Variants in PRPF40B observed in about 807,000 individuals in gnomAD.
The protein encoded by PRPF40B is pre-mRNA processing factor 40B.
PRPF40B carries 56 observed loss-of-function variants against 124.5 expected under a neutral mutation model. The ratio of observed to expected loss-of-function variants is 0.45; its 90% CI spans 0.36 to 0.56. The LOEUF (loss-of-function observed/expected upper bound fraction) is 0.56. Ranked by LOEUF, PRPF40B falls within the 20% of genes least tolerant of loss-of-function variation. The pLI, the probability that PRPF40B is intolerant of heterozygous loss-of-function variation, is 0.00. For missense variants in PRPF40B, 1,053 were observed against 1,169.5 expected, an observed-to-expected ratio of 0.90 and a Z score of 1.45; for synonymous variants, 443 against 426.4, an observed-to-expected ratio of 1.04 and a Z score of -0.48.
intron 1 of PRPF40B, among the ~76,000 whole-genome samples, chr12:49,628,714 C>T (rs942177874): frequency 4.0e-4 from 61 of 152,048 alleles, no homozygotes; most frequent in African/African-American, 1.4e-3. Flanking sequence ...AGGTGCCTGC[C>T]ACCACGCCTG....
chr12:49,631,451 C>G lies in PRPF40B; in HGVS notation c.135C>G (p.Pro45=). ...CCTTTCCTCCGATGGGGCTACCCCC[C>G]ATGAGTCAGAGACCACCAGCTATCC... ...PPPFPPMGLP[P]MSQRPPAIPP... is the part of the protein sequence containing the mutation. The change falls in exon 3 of 26, where the codon CCC becomes CCG. Residue 45 remains proline, a synonymous_variant. Coordinates refer to ENST00000548825, the MANE Select transcript of PRPF40B (RefSeq NM_001031698.3). This position sits in a 1 kb window ranked among gnomAD's most constrained non-coding sequence, Gnocchi z 4.3. The G allele has an allele frequency of 6.8e-7, 1 of 1,465,784 alleles. No individual in the cohort carries two copies. The highest frequency in any genetic ancestry group is 9.1e-7 in the Non-Finnish European group (1 of 1,097,594). The allele number at this position is 1,465,784 out of a possible 1,614,324, so 90.8% of individuals were successfully genotyped here. A position where few individuals can be genotyped will look rare whatever the true frequency, so the allele number is the denominator to read the frequency against.
chr12:49,638,969 A>G (rs1942231480), intron 18 of PRPF40B: 1 of 152,208 alleles, frequency 6.6e-6, no homozygotes, highest in Admixed American at 6.5e-5. Context: ...CATATTACCT[A>G]TTTAATATAA....
chr12:49,633,169 C>T, intron 7 of PRPF40B, 45 bp downstream of exon 7: 3 of 1,486,322 alleles, frequency 2.0e-6, no homozygotes, highest in Non-Finnish European at 1.8e-6. Flanking sequence ...CTGCCCTGAC[C>T]CTTCCAAGTC....
In PRPF40B at chr12:49,642,281, A is replaced by G. The variant is rs144093609; in HGVS notation, c.1931A>G (p.Glu644Gly). 1 of 1,614,044 alleles carries G rather than the reference A, an allele frequency of 6.2e-7. No individual in the cohort carries two copies. The highest frequency in any genetic ancestry group is 8.5e-7 in the Non-Finnish European group (1 of 1,180,042). ...EAREREREKE[E>G]ARRMRRREAA... ...CGGGAGAGGGAGCGGGAGAAGGAGG[A>G]GGCACGCAGGATGCGGCGCAGGGAA... Residue 644 changes from glutamate (E) to glycine (G), a missense_variant, in exon 20 of 26, where the codon GAG (glutamate) becomes GGG (glycine). Glu to Gly is a moderately conservative substitution (Grantham distance 98). This residue lies in a region of PRPF40B where 895 missense variants were observed against 1,052.2 expected (regional missense o/e 0.85). Transcript: ENST00000548825. This position sits in a 1 kb window ranked among gnomAD's most constrained non-coding sequence, Gnocchi z 5.8.
Position 49,635,971 on chromosome 12 carries a change from T to C in PRPF40B, c.1404T>C (p.Phe468=). 1 of 1,614,110 alleles carries C rather than the reference T, an allele frequency of 6.2e-7. No individual in the cohort carries two copies. Among genetic ancestry groups the C allele is most frequent in the Non-Finnish European group, 8.5e-7 (1 of 1,179,988 alleles). ...AQQYLMDNPS[F]AQDHQLQNMD... Reference sequence around the variant, plus strand: ...AGTACCTCATGGATAACCCCAGCTTTGCTCAGGACCATCAGCTGCAGAGTA... The same window carrying C: ...AGTACCTCATGGATAACCCCAGCTTCGCTCAGGACCATCAGCTGCAGAGTA... Residue 468 remains phenylalanine (F), a synonymous_variant, in exon 15 of 26, where the codon TTT becomes TTC. Coordinates refer to ENST00000548825, the MANE Select transcript of PRPF40B (RefSeq NM_001031698.3). The surrounding 1 kb of genome is among the most constrained non-coding windows in gnomAD (Gnocchi z 4.1).
Position 49,631,753 on chromosome 12 carries a change from G to A in PRPF40B, c.229-107G>A. The A allele has an allele frequency of 7.7e-7, 1 of 1,296,576 alleles. No individual in the cohort carries two copies. The highest frequency in any genetic ancestry group is 1.1e-6 in the Non-Finnish European group (1 of 893,230). 80.3% of individuals were successfully genotyped at this position (1,296,576 alleles called of 1,614,324 possible). A position where few individuals can be genotyped will look rare whatever the true frequency, so the allele number is the denominator to read the frequency against. ...GGATTGCCTGAGGAAGTGCCCAAGT[G>A]AGGGTCATGGCTCCAGTGAGATGTC... On this transcript the variant is annotated intron_variant, in intron 3 of 25. Transcript: ENST00000548825. The surrounding 1 kb of genome is among the most constrained non-coding windows in gnomAD (Gnocchi z 4.3).
intron 18 of PRPF40B, chr12:49,639,415 GAA>G (rs1490583388): frequency 1.3e-5 from 2 of 152,334 alleles, no homozygotes; most frequent in Non-Finnish European, 2.9e-5. Context: ...TGAGCAGGGA[GAA>G]AAGTCAGTAG....
Position 49,631,561 on chromosome 12 carries a change from C to A in PRPF40B, c.228+17C>A, listed in dbSNP as rs1209644967. The A allele has an allele frequency of 1.9e-6, 3 of 1,544,642 alleles. No individual in the cohort carries two copies. Among genetic ancestry groups the A allele is most frequent in the Non-Finnish European group, 2.6e-6 (3 of 1,150,148 alleles). Reference sequence around the variant, plus strand: ...CTCACACAGGTAATTGTCTCTCCTCCCCTGGGGCCTCAGAAAACCCTGTCA... The same window carrying A: ...CTCACACAGGTAATTGTCTCTCCTCACCTGGGGCCTCAGAAAACCCTGTCA... On this transcript the variant is annotated intron_variant, in intron 3 of 25. Transcript: ENST00000548825. This position sits in a 1 kb window ranked among gnomAD's most constrained non-coding sequence, Gnocchi z 4.3.
intron 11 of PRPF40B, 32 bp downstream of exon 11, chr12:49,634,487 G>A (rs1565832934): frequency 1.9e-6 from 3 of 1,614,172 alleles, no homozygotes; most frequent in Non-Finnish European, 2.5e-6. Context: ...GGAAGGTTTG[G>A]AGGGGGCTGG....
At chr12:49,624,149 T>C (rs574982759) in intron 1 of PRPF40B, 233 of 951,994 alleles carry the variant, frequency 2.4e-4, no homozygotes, top group Non-Finnish European at 2.8e-4. Context: ...ATCAACAAAC[T>C]AACGACTCTG....
In PRPF40B at chr12:49,643,024, A is replaced by G. The variant is rs1308574549; in HGVS notation, c.2205+8A>G. 1 of 1,612,666 alleles carries G rather than the reference A, an allele frequency of 6.2e-7. No homozygotes were observed. The highest frequency in any genetic ancestry group is 2.2e-5 in the East Asian group (1 of 44,862). ...CGTTCCCACTCACCCTCAGTGAGTA[A>G]GCGTGTAGAAGGGACATGGGGTGAA... On this transcript the variant is annotated splice_region_variant and intron_variant, in intron 22 of 25. Coordinates refer to ENST00000548825, the MANE Select transcript of PRPF40B (RefSeq NM_001031698.3).
At chr12:49,636,901 A>G (rs936492590) in intron 16 of PRPF40B, 52 bp downstream of exon 16, 21 of 1,608,496 alleles carry the variant, frequency 1.3e-5, no homozygotes, top group Non-Finnish European at 1.7e-5. Flanking sequence ...CTAGAGCACA[A>G]CCTCTTCACC....
At position 49,643,862 on chromosome 12, in the gene PRPF40B, A is replaced by G; in HGVS notation, c.2444A>G (p.Asn815Ser). ...KKTKKRRHKSNSPESETDPEE... is the reference protein window; with the variant it reads ...KKTKKRRHKSSSPESETDPEE... ...GAGGTGGGCTCTGGACTCTTACAGA[A>G]TAGTCCTGAGAGTGAGACAGACCCT... is the stretch of plus-strand genomic sequence containing the variant. Residue 815 changes from asparagine to serine, a missense_variant and splice_region_variant, in exon 25 of 26, where the codon AAT becomes AGT. Transcript: ENST00000548825. 1 of 1,614,198 alleles carries G rather than the reference A, an allele frequency of 6.2e-7. No homozygotes were observed. The highest frequency in any genetic ancestry group is 8.5e-7 in the Non-Finnish European group (1 of 1,180,030).
intron 7 of PRPF40B, 149 bp downstream of exon 7, chr12:49,633,273 T>C (rs1941420358): frequency 1.6e-6 from 2 of 1,284,540 alleles, no homozygotes; most frequent in East Asian, 2.3e-5. Flanking sequence ...AATGCCTCCA[T>C]AGGATCTCAA....
rs1169651450 is a variant in PRPF40B at position 49,631,903 on chromosome 12, CA to C, written c.273del (p.Ala92ArgfsTer101). The C allele has an allele frequency of 4.3e-6, 7 of 1,614,052 alleles. No individual in the cohort carries two copies. Among genetic ancestry groups the C allele is most frequent in the Non-Finnish European group, 5.9e-6 (7 of 1,180,028 alleles). On this transcript the variant is annotated frameshift_variant, in exon 4 of 26. Coordinates refer to ENST00000548825, the MANE Select transcript of PRPF40B (RefSeq NM_001031698.3). LOFTEE classifies it high-confidence loss of function. This position sits in a 1 kb window ranked among gnomAD's most constrained non-coding sequence, Gnocchi z 4.3. ...VPPMMPGMLM[P>X]AVPVTAATAP... ...CCGATGATGCCAGGAATGCTGATGC[CA>C]GCGGTGCCTGTCACCGCAGCGGTAA...
chr12:49,639,020 C>T (rs1027936532), intron 18 of PRPF40B: 1 of 152,204 alleles, frequency 6.6e-6, no homozygotes, highest in Non-Finnish European at 1.5e-5. Context: ...TAAGATGTAT[C>T]ATACTGTCCT....
chr12:49,628,535 G>T (rs1045687384), intron 1 of PRPF40B, among the ~76,000 whole-genome samples: 1 of 150,902 alleles, frequency 6.6e-6, no homozygotes, highest in African/African-American at 2.4e-5. Flanking sequence ...GATTACAGGC[G>T]TGAACCACCG....
At chr12:49,628,962 C>T (rs997661607) in intron 1 of PRPF40B, among the ~76,000 whole-genome samples, 9 of 152,224 alleles carry the variant, frequency 5.9e-5, no homozygotes, top group African/African-American at 2.2e-4. Flanking sequence ...ACCTTCTCTT[C>T]AGCCAGATAC....
chr12:49,641,313 G>C (rs1942615844), intron 18 of PRPF40B: 1 of 152,228 alleles, frequency 6.6e-6, no homozygotes. Flanking sequence ...ACACTTTGGG[G>C]ATAGAGAGCC....
Sources: allele counts gnomAD v4.1 joint callset (sites outside exome capture counted in the v4.1 genomes callset), GRCh38; gene constraint gnomAD v4.1.1; regional missense constraint gnomAD v4.1.1; non-coding constraint Gnocchi (gnomAD v3.1); transcripts MANE v1.5; gene names NCBI Gene and HGNC (gene_info 2026-07-23, HGNC 2026-07-21).